The following ZEB1 variants were observed in gnomAD, a reference collection of about 807,000 sequenced individuals.
ZEB1 encodes zinc finger E-box-binding homeobox 1.
Under a neutral mutation model 84.9 loss-of-function variants are expected in ZEB1, and 21 were observed. That is an observed-to-expected ratio of 0.25 (90% confidence interval 0.18 to 0.36). The LOEUF is 0.36. ZEB1 is among the 10% of genes least tolerant of loss of function. The probability of loss-of-function intolerance (pLI) is 1.00; values close to 1 mark genes in which losing one functional copy is unlikely to be tolerated. For synonymous variants in ZEB1, 420 were observed against 471.1 expected (o/e 0.89, Z 1.41); for missense variants, 1,104 against 1,330.2 (o/e 0.83, Z 2.65).
At chr10:31,502,573 A>G (rs2839664) in intron 4 of ZEB1, 64 bp downstream of exon 4, 266,701 of 1,604,816 alleles carry the variant, frequency 0.17, 24,832 homozygotes, top group Admixed American at 0.3. Context: ...CTACCATTCT[A>G]CTATGGGAAC....
intron 1 of ZEB1, among the ~76,000 whole-genome samples, chr10:31,389,029 TAGAAA>T (rs1257629530): frequency 2.6e-5 from 4 of 152,120 alleles, no homozygotes; most frequent in South Asian, 2.1e-4. Context: ...CAACATACTT[TAGAAA>T]AGAAAAGTTT....
At chr10:31,486,257 T>C (rs1367558557) in intron 2 of ZEB1, among the ~76,000 whole-genome samples, 1 of 151,718 alleles carries the variant, frequency 6.6e-6, no homozygotes, top group Non-Finnish European at 1.5e-5. Flanking sequence ...TTTAGAAGTG[T>C]GATTGCTGCA....
intron 1 of ZEB1, among the ~76,000 whole-genome samples, chr10:31,348,167 T>A (rs2040653044): frequency 6.6e-6 from 1 of 152,104 alleles, no homozygotes; most frequent in Non-Finnish European, 1.5e-5. Flanking sequence ...CCAAGTGATT[T>A]GTCTGGGAAA....
At chr10:31,354,375 C>A (rs961661413) in intron 1 of ZEB1, among the ~76,000 whole-genome samples, 1 of 152,098 alleles carries the variant, frequency 6.6e-6, no homozygotes, top group African/African-American at 2.4e-5. Flanking sequence ...TATATTTTCT[C>A]GATTCTAAAA....
chr10:31,416,754 A>G (rs370895995), intron 1 of ZEB1, among the ~76,000 whole-genome samples: 8 of 152,150 alleles, frequency 5.3e-5, no homozygotes, highest in Non-Finnish European at 8.8e-5. Flanking sequence ...ATTTAATCCA[A>G]TGACTCAAAA....
Position 31,521,886 on chromosome 10 carries a change from C to T in ZEB1, c.2554C>T (p.Pro852Ser). 1 of 1,614,008 alleles carries T rather than the reference C, an allele frequency of 6.2e-7. No individual in the cohort carries two copies. The highest frequency in any genetic ancestry group is 8.5e-7 in the Non-Finnish European group (1 of 1,179,974). ...ATACACCTACTCAACTACGGTCAGC[C>T]CTGCAGTCCAAGAACCACCCTTGAA... ...VAYTYSTTVS[P>S]AVQEPPLKVI... Residue 852 changes from proline (P) to serine (S), a missense_variant, in exon 7 of 9, where the codon CCT (proline) becomes TCT (serine). Pro to Ser is a moderately conservative substitution (Grantham distance 74). This residue lies in a region of ZEB1 where 531 missense variants were observed against 575.2 expected (regional missense o/e 0.92). Transcript: ENST00000424869.
At chr10:31,391,233 G>C (rs556221018) in intron 1 of ZEB1, among the ~76,000 whole-genome samples, 141 of 95,974 alleles carry the variant, frequency 1.5e-3, no homozygotes, top group African/African-American at 6.0e-3. Flanking sequence ...AGGTAAGTTT[G>C]TGTGTGTGTG....
chr10:31,508,223 T>C lies in ZEB1; in HGVS notation c.485-2450T>C, dbSNP rs532072017. On this transcript the variant is annotated intron_variant, in intron 4 of 8. Coordinates refer to ENST00000424869, the MANE Select transcript of ZEB1 (RefSeq NM_001174096.2). ...TGTCCTTAGACCACAGGGTGGCACA[T>C]TGACACCTTGTGTTAGCAGGTCCAG... Among the ~76,000 whole-genome samples, 14 of 152,268 alleles carry C rather than the reference T, an allele frequency of 9.2e-5. No homozygotes were observed. The South Asian group carries it at 2.9e-3, about 32-fold the overall frequency.
intron 1 of ZEB1, 66 bp downstream of exon 1, chr10:31,319,358 G>A: frequency 6.5e-7 from 1 of 1,529,554 alleles, no homozygotes; most frequent in Non-Finnish European, 8.9e-7. Context: ...GGCGCCCCCG[G>A]GGGTGAGGGG....
At chr10:31,377,256 G>A (rs2046809017) in intron 1 of ZEB1, among the ~76,000 whole-genome samples, 1 of 151,446 alleles carries the variant, frequency 6.6e-6, no homozygotes. Context: ...ATAGTATCAT[G>A]GTAGCCTAAA....
At chr10:31,524,216 T>A in intron 8 of ZEB1, 103 bp downstream of exon 8, 5 of 1,276,580 alleles carry the variant, frequency 3.9e-6, no homozygotes, top group Non-Finnish European at 5.4e-6. Flanking sequence ...TTTTTTTTTT[T>A]TATTTTGTTT....
intron 1 of ZEB1, among the ~76,000 whole-genome samples, chr10:31,360,610 T>G (rs1466136392): frequency 6.6e-6 from 1 of 152,212 alleles, no homozygotes; most frequent in Non-Finnish European, 1.5e-5. Context: ...GTGGATCAGA[T>G]GAATAAAATG....
chr10:31,478,169 A>G (rs2064516405), intron 2 of ZEB1, among the ~76,000 whole-genome samples: 1 of 152,068 alleles, frequency 6.6e-6, no homozygotes, highest in South Asian at 2.1e-4. Flanking sequence ...CAAGAGAAAA[A>G]CAACCCCATT....
chr10:31,513,411 T>G (rs2070460836), intron 5 of ZEB1, among the ~76,000 whole-genome samples: 1 of 152,182 alleles, frequency 6.6e-6, no homozygotes, highest in African/African-American at 2.4e-5. Flanking sequence ...CATGTTAAGT[T>G]TCAGATCTCT....
Position 31,527,371 on chromosome 10 carries a change from A to G in ZEB1, c.*107A>G, listed in dbSNP as rs2073689808. 8.3e-6 allele frequency: 12 copies of G among 1,438,940 alleles called. No homozygotes were observed. The highest frequency in any genetic ancestry group is 1.1e-5 in the Non-Finnish European group (12 of 1,068,916). 89.1% of individuals were successfully genotyped at this position (1,438,940 alleles called of 1,614,324 possible). On this transcript the variant is annotated 3_prime_UTR_variant, in exon 9 of 9. Coordinates refer to ENST00000424869, the MANE Select transcript of ZEB1 (RefSeq NM_001174096.2). ...AACCTGTATGCTGTGATTCCTGTTC[A>G]CTACTGTGTAAAGTAAAAACTAAAA...
Position 31,520,575 on chromosome 10 carries a change from A to G in ZEB1, c.1243A>G (p.Asn415Asp). 6.2e-7 allele frequency: 1 copy of G among 1,614,004 alleles called. No individual in the cohort carries two copies. The highest frequency in any genetic ancestry group is 8.5e-7 in the Non-Finnish European group (1 of 1,179,982). Residue 415 changes from asparagine (N) to aspartate (D), a missense_variant, in exon 7 of 9, where the codon AAT becomes GAT. By Grantham distance (23) the Asn-to-Asp change is conservative (BLOSUM62 1). Transcript: ENST00000424869. The surrounding 1 kb of genome is among the most constrained non-coding windows in gnomAD (Gnocchi z 5.1). ...PISINLSDIQ[N>D]VLKVAVDGNV... The stretch of plus-strand genomic sequence containing the variant: ...AAGTATCAATTTAAGTGATATTCAG[A>G]ATGTACTTAAAGTGGCGGTAGATGG...
At chr10:31,343,299 A>G (rs1315097696) in intron 1 of ZEB1, among the ~76,000 whole-genome samples, 1 of 152,086 alleles carries the variant, frequency 6.6e-6, no homozygotes, top group Non-Finnish European at 1.5e-5. Flanking sequence ...ATTTTTAGAG[A>G]TGATTCAATC....
chr10:31,359,257 G>GA (rs1316341204), intron 1 of ZEB1, among the ~76,000 whole-genome samples: 3 of 151,986 alleles, frequency 2.0e-5, no homozygotes, highest in Non-Finnish European at 4.4e-5. Context: ...AACTCCTAAA[G>GA]ACCCTATGTT....
At chr10:31,412,805 A>G (rs1056791798) in intron 1 of ZEB1, among the ~76,000 whole-genome samples, 2 of 152,194 alleles carry the variant, frequency 1.3e-5, no homozygotes, top group African/African-American at 2.4e-5. Context: ...ACCAACAGAT[A>G]TCAGAAAGCA....
Sources: allele counts gnomAD v4.1 joint callset (sites outside exome capture counted in the v4.1 genomes callset), GRCh38; gene constraint gnomAD v4.1.1; regional missense constraint gnomAD v4.1.1; non-coding constraint Gnocchi (gnomAD v3.1); transcripts MANE v1.5; gene names NCBI Gene and HGNC (gene_info 2026-07-23, HGNC 2026-07-21).